Variants in ADGRG1 observed in about 807,000 individuals in gnomAD.
ADGRG1 encodes the protein adhesion G protein-coupled receptor G1, also known as 7-transmembrane protein with no EGF-like N-terminal domains-1.
A neutral mutation model predicts 73.5 loss-of-function variants in ADGRG1; 53 were observed. That is an observed-to-expected ratio of 0.72 (90% CI 0.58 to 0.91). The LOEUF is 0.91. ADGRG1 is among the 40% of genes least tolerant of loss of function. The pLI, the probability that ADGRG1 is intolerant of heterozygous loss-of-function variation, is 0.00. For missense variants in ADGRG1, 795 were observed against 871.8 expected (o/e 0.91, Z 1.11); for synonymous variants, 394 against 374.4 (o/e 1.05, Z -0.60).
At chr16:57,632,390 G>A (rs1053352083) in intron 1 of ADGRG1, 19 of 877,766 alleles carry the variant, frequency 2.2e-5, no homozygotes, top group Non-Finnish European at 2.2e-5. Flanking sequence ...TGTAAACTGT[G>A]GATCACAATC....
chr16:57,655,588 T>A (rs1381347975), intron 6 of ADGRG1, 58 bp downstream of exon 6: 11 of 1,611,194 alleles, frequency 6.8e-6, no homozygotes, highest in Non-Finnish European at 9.3e-6. Context: ...CTGACAGAGG[T>A]GGAAAGAAGG....
chr16:57,636,189 C>T (rs2039328408), intron 1 of ADGRG1: 1 of 985,326 alleles, frequency 1.0e-6, no homozygotes, highest in Non-Finnish European at 1.2e-6. Flanking sequence ...TAGGCCCGAA[C>T]CACAGGAGTG....
At chr16:57,647,305 T>C (rs868522970) in intron 1 of ADGRG1, 3 of 985,246 alleles carry the variant, frequency 3.0e-6, no homozygotes, top group Non-Finnish European at 1.2e-6. Context: ...AGCTTCATGC[T>C]CTAAGAATTT....
intron 1 of ADGRG1, chr16:57,634,280 G>A: frequency 2.0e-6 from 2 of 985,344 alleles, no homozygotes; most frequent in Non-Finnish European, 2.4e-6. Flanking sequence ...TCAGACAACT[G>A]CCCAGACCCA....
intron 1 of ADGRG1, chr16:57,644,210 A>C (rs2041627038): frequency 1.0e-6 from 1 of 984,030 alleles, no homozygotes; most frequent in Non-Finnish European, 1.2e-6. Flanking sequence ...CTGTGTATGC[A>C]CGGGCACACG....
At chr16:57,651,171 G>T in intron 2 of ADGRG1, 29 bp from the exon 3 acceptor site, 1 of 1,613,354 alleles carries the variant, frequency 6.2e-7, no homozygotes, top group South Asian at 1.1e-5. Flanking sequence ...CCTGCCACGG[G>T]GTCCCATCTG....
intron 12 of ADGRG1, 148 bp from the exon 13 acceptor site, chr16:57,661,549 A>AT (rs2047094359): frequency 6.7e-7 from 1 of 1,492,890 alleles, no homozygotes; most frequent in African/African-American, 1.4e-5. Flanking sequence ...ACTCAAATGT[A>AT]TTTTTAAAAT....
intron 2 of ADGRG1, among the ~76,000 whole-genome samples, chr16:57,650,709 CTTTT>C (rs533496874): frequency 3.9e-5 from 5 of 128,960 alleles, no homozygotes; most frequent in Admixed American, 8.1e-5. Context: ...TCAGTTTCCT[CTTTT>C]TTTTTTTTTT....
rs749358764 is a variant in ADGRG1, at chr16:57,653,210, C to A, written c.495C>A (p.Pro165=). The change falls in exon 4 of 14, where the codon CCC becomes CCA. Residue 165 remains proline (P), a synonymous_variant. Coordinates refer to ENST00000562631, the MANE Select transcript of ADGRG1 (RefSeq NM_201525.4). ...ASFTFSFHSP[P]HTAAHNASVD... ...TGTCCACCCCTCCCCCAGGTCCTCC[C>A]CACACGGCCGCTCACAATGCCTCGG... The A allele has an allele frequency of 1.9e-6, 3 of 1,609,282 alleles. No homozygotes were observed. Among genetic ancestry groups the A allele is most frequent in the Non-Finnish European group, 1.7e-6 (2 of 1,179,932 alleles).
At chr16:57,627,886 G>C (rs536463954), upstream of ADGRG1, 32 of 975,664 alleles carry the variant, frequency 3.3e-5, no homozygotes, top group African/African-American at 5.6e-4. Flanking sequence ...ACACTTCTCT[G>C]TCTGAGCTTT....
chr16:57,646,336 C>G, intron 1 of ADGRG1: 1 of 857,514 alleles, frequency 1.2e-6, no homozygotes, highest in Non-Finnish European at 1.4e-6. Context: ...AGCTGGAGCC[C>G]TGGGGGTGGG....
chr16:57,628,475 C>T (rs751751914), upstream of ADGRG1: 214 of 979,616 alleles, frequency 2.2e-4, no homozygotes, highest in Non-Finnish European at 1.9e-4. Flanking sequence ...TGCCTCAGCG[C>T]TCTCAGCCCT....
At chr16:57,647,187 G>T (rs2042876465) in intron 1 of ADGRG1, 1 of 985,396 alleles carries the variant, frequency 1.0e-6, no homozygotes, top group Non-Finnish European at 1.2e-6. Flanking sequence ...CCCAATCTGT[G>T]TGGCAACTTT....
chr16:57,637,260 A>C, intron 1 of ADGRG1: 1 of 960,200 alleles, frequency 1.0e-6, no homozygotes. Flanking sequence ...CCTGGTCGGG[A>C]ATGTTGTAGG....
At chr16:57,627,422 C>G (rs1267923645), upstream of ADGRG1, 1 of 152,350 alleles carries the variant, frequency 6.6e-6, no homozygotes, top group Non-Finnish European at 1.5e-5. Flanking sequence ...TCCCGCCATC[C>G]CAACTCGGGC....
intron 12 of ADGRG1, 81 bp downstream of exon 12, chr16:57,660,957 C>A: frequency 1.2e-6 from 1 of 858,540 alleles, no homozygotes; most frequent in Non-Finnish European, 2.0e-6. Context: ...CCAGGTCATG[C>A]TGGCCAGGGG....
At chr16:57,646,240 G>A (rs1270749001) in intron 1 of ADGRG1, 2 of 302,164 alleles carry the variant, frequency 6.6e-6, no homozygotes, top group Non-Finnish European at 9.7e-6. Flanking sequence ...GGCTCCACAC[G>A]GAAGTGACTC....
chr16:57,628,250 G>T, upstream of ADGRG1: 7 of 903,494 alleles, frequency 7.7e-6, no homozygotes, highest in Non-Finnish European at 9.3e-6. Flanking sequence ...CCTGGGGGGT[G>T]GGCGGACAGC....
At chr16:57,627,179 A>C (rs543238608), upstream of ADGRG1, 48 of 708,432 alleles carry the variant, frequency 6.8e-5, no homozygotes, top group South Asian at 1.9e-4. Flanking sequence ...TGAGGAGTGC[A>C]GTTCACCTGC....
Sources: gnomAD v4.1 joint callset for allele counts (sites outside exome capture counted in the v4.1 genomes callset) on GRCh38, gnomAD v4.1.1 for gene constraint, MANE v1.5 for transcripts, NCBI Gene and HGNC (gene_info 2026-07-23, HGNC 2026-07-21) for gene names.